The following XRRA1 variants were observed in gnomAD, a reference collection of about 807,000 sequenced individuals.
The protein encoded by XRRA1 is X-ray radiation resistance-associated protein 1.
Under a neutral mutation model 80.2 loss-of-function variants are expected in XRRA1, and 69 were observed. The ratio of observed to expected loss-of-function variants is 0.86; its 90% CI spans 0.71 to 1.05. XRRA1 has a LOEUF of 1.05. Ranked by LOEUF, XRRA1 falls within the 50% of genes least tolerant of loss-of-function variation. The probability of loss-of-function intolerance (pLI) is 0.00; values close to 1 mark genes in which losing one functional copy is unlikely to be tolerated. For missense variants in XRRA1, 967 were observed against 976.4 expected (o/e 0.99, Z 0.13); for synonymous variants, 348 against 389.9 (o/e 0.89, Z 1.27).
chr11:74,883,354 C>T (rs1205999427), intron 10 of XRRA1, among the ~76,000 whole-genome samples: 1 of 152,208 alleles, frequency 6.6e-6, no homozygotes, highest in East Asian at 1.9e-4. Context: ...GAGGCAATGC[C>T]TCGCCCTGCC....
At position 74,844,169 on chromosome 11, in the gene XRRA1, C is replaced by T. The variant is rs570200367; in HGVS notation, c.2042G>A (p.Arg681Gln). ...LQKPYVHKEK[R>Q]AQRIPIPPPK... is the part of the protein sequence containing the mutation. Reference sequence around the variant, plus strand: ...ACATTCAGTGAGCTGGATGTTTACCCGTTTCTCTTTGTGAACATAGGGTTT... The same window carrying T: ...ACATTCAGTGAGCTGGATGTTTACCTGTTTCTCTTTGTGAACATAGGGTTT... Residue 681 changes from arginine to glutamine, a missense_variant and splice_region_variant, in exon 17 of 19, where the codon CGG (arginine) becomes CAG (glutamine). Transcript: ENST00000684022. 28 of 1,613,036 alleles carry T rather than the reference C, an allele frequency of 1.7e-5. No homozygotes were observed. Among genetic ancestry groups the T allele is most frequent in the African/African-American group, 4.0e-5 (3 of 74,996 alleles).
intron 15 of XRRA1, among the ~76,000 whole-genome samples, chr11:74,847,208 T>C (rs552163529): frequency 6.6e-6 from 1 of 152,350 alleles, no homozygotes; most frequent in African/African-American, 2.4e-5. Context: ...TGTATAAATT[T>C]ATATGTCACT....
Position 74,843,143 on chromosome 11 carries a change from C to A in XRRA1, c.*57G>T. Reference sequence around the variant, plus strand: ...TTGAGGTGCGGTCCAGGGCACAGAGCCCTCGGGGAGAGCTGGGGCACAGGC... The same window carrying A: ...TTGAGGTGCGGTCCAGGGCACAGAGACCTCGGGGAGAGCTGGGGCACAGGC... On this transcript the variant is annotated 3_prime_UTR_variant, in exon 19 of 19. Transcript: ENST00000684022. The A allele has an allele frequency of 6.6e-7, 1 of 1,503,950 alleles. No individual in the cohort carries two copies. Among genetic ancestry groups the A allele is most frequent in the South Asian group, 1.3e-5 (1 of 76,794 alleles). 93.2% of individuals were successfully genotyped at this position (1,503,950 alleles called of 1,614,324 possible). A position where few individuals can be genotyped will look rare whatever the true frequency, so the allele number is the denominator to read the frequency against.
intron 10 of XRRA1, among the ~76,000 whole-genome samples, chr11:74,884,777 G>C (rs1228031529): frequency 6.6e-6 from 1 of 152,124 alleles, no homozygotes; most frequent in Admixed American, 6.5e-5. Flanking sequence ...CACAGCTAAG[G>C]TAGTGTTAAG....
At chr11:74,859,734 G>A (rs896065800) in intron 11 of XRRA1, among the ~76,000 whole-genome samples, 1 of 152,042 alleles carries the variant, frequency 6.6e-6, no homozygotes, top group Non-Finnish European at 1.5e-5. Flanking sequence ...GAGGTGTTTT[G>A]AGCCTTGAAC....
intron 13 of XRRA1, 60 bp downstream of exon 13, chr11:74,851,929 G>T: frequency 7.0e-7 from 1 of 1,421,212 alleles, no homozygotes; most frequent in Non-Finnish European, 9.9e-7. Context: ...GTGGGGATGA[G>T]GGTGCCACAC....
chr11:74,863,471 G>T (rs1380206541), intron 10 of XRRA1: 2 of 158,278 alleles, frequency 1.3e-5, no homozygotes, highest in Admixed American at 1.3e-4. Context: ...TCTGTCAGAG[G>T]ATTTGGAAAT....
At chr11:74,906,186 A>C (rs2054543819) in intron 10 of XRRA1, 53 bp downstream of exon 10, 1 of 1,523,240 alleles carries the variant, frequency 6.6e-7, no homozygotes, top group South Asian at 1.2e-5. Flanking sequence ...AAACTCTCAG[A>C]AGTGTATTTC....
Position 74,844,326 on chromosome 11 carries a change from C to T in XRRA1, c.1928-43G>A, listed in dbSNP as rs1174971406. 6.1e-6 allele frequency: 9 copies of T among 1,470,702 alleles called. No homozygotes were observed. The East Asian group carries it at 1.4e-4, about 22-fold the overall frequency. The allele number at this position is 1,470,702 out of a possible 1,614,324, so 91.1% of individuals were successfully genotyped here. A position where few individuals can be genotyped will look rare whatever the true frequency, so the allele number is the denominator to read the frequency against. The stretch of plus-strand genomic sequence containing the variant: ...GACTGAGTCAAGGCACTTCCCCCTC[C>T]TCCTCCCAGATGCCTCCCCTGATTG... On this transcript the variant is annotated intron_variant, in intron 16 of 18. Coordinates refer to ENST00000684022, the MANE Select transcript of XRRA1 (RefSeq NM_001378157.1).
intron 10 of XRRA1, among the ~76,000 whole-genome samples, chr11:74,897,720 A>AAG (rs2052683737): frequency 6.6e-6 from 1 of 150,942 alleles, no homozygotes; most frequent in Admixed American, 6.6e-5. Context: ...AAAAAAAAAA[A>AAG]AAGAAAAAAA....
At chr11:74,907,382 G>C in intron 8 of XRRA1, 109 bp from the exon 9 acceptor site, 15 of 1,454,850 alleles carry the variant, frequency 1.0e-5, no homozygotes, top group South Asian at 5.3e-5. Context: ...ACCAGCTTAG[G>C]AACGGTTCTA....
At chr11:74,915,946 T>C (rs965008288) in intron 8 of XRRA1, among the ~76,000 whole-genome samples, 3 of 152,218 alleles carry the variant, frequency 2.0e-5, no homozygotes, top group South Asian at 2.1e-4. Context: ...GGATTCCTGA[T>C]TGACAGGTTT....
chr11:74,935,797 C>T (rs901391575), intron 4 of XRRA1, among the ~76,000 whole-genome samples: 5 of 152,126 alleles, frequency 3.3e-5, no homozygotes, highest in African/African-American at 1.2e-4. Context: ...GAAAAACATC[C>T]TTGTTGCTCC....
chr11:74,898,804 A>G (rs145468805), intron 10 of XRRA1, among the ~76,000 whole-genome samples: 340 of 152,320 alleles, frequency 2.2e-3, no homozygotes, highest in African/African-American at 7.8e-3. Context: ...CAACACAGTA[A>G]TAGCTGGAGA....
chr11:74,933,670 TCTCC>T (rs1944205304), intron 5 of XRRA1, 127 bp downstream of exon 5: 2 of 723,036 alleles, frequency 2.8e-6, no homozygotes, highest in Non-Finnish European at 4.7e-6. Flanking sequence ...CTGACTCTCC[TCTCC>T]CTCCTTCTTC....
At chr11:74,884,173 AT>A (rs142509519) in intron 10 of XRRA1, among the ~76,000 whole-genome samples, 1,627 of 152,270 alleles carry the variant, frequency 0.011, 30 homozygotes, top group African/African-American at 0.035. Context: ...CAAAAAAAAA[AT>A]TATTTTTTTC....
intron 10 of XRRA1, among the ~76,000 whole-genome samples, chr11:74,895,483 A>G (rs1028351823): frequency 1.3e-5 from 2 of 152,218 alleles, no homozygotes; most frequent in African/African-American, 4.8e-5. Context: ...ATAAACTTGA[A>G]AGGCAATCTA....
In XRRA1 at chr11:74,940,817, G is replaced by C; in HGVS notation, c.62C>G (p.Pro21Arg). ...CGGCACGCGAAGCAGATTTCTGGCT[G>C]GGAAGCAGTTGTTCAGGTAAGGCTT... ...DGKPYLNNCF[P>R]ARNLLRVPEE... is the part of the protein sequence containing the mutation. Residue 21 changes from proline to arginine, a missense_variant, in exon 3 of 19, where the codon CCA becomes CGA. Physicochemically the swap from Pro to Arg is moderately radical, Grantham distance 103. Transcript: ENST00000684022. 6.2e-7 allele frequency: 1 copy of C among 1,608,918 alleles called. No individual in the cohort carries two copies. Among genetic ancestry groups the C allele is most frequent in the Non-Finnish European group, 8.5e-7 (1 of 1,177,826 alleles).
chr11:74,904,050 C>A (rs1056806986), intron 10 of XRRA1, among the ~76,000 whole-genome samples: 1 of 152,000 alleles, frequency 6.6e-6, no homozygotes, highest in African/African-American at 2.4e-5. Flanking sequence ...GAAGTCTCTG[C>A]TCCTAAGTTA....
Sources: gnomAD v4.1 joint callset for allele counts (sites outside exome capture counted in the v4.1 genomes callset) on GRCh38, gnomAD v4.1.1 for gene constraint, MANE v1.5 for transcripts, NCBI Gene and HGNC (gene_info 2026-07-23, HGNC 2026-07-21) for gene names.